Variants in ITGBL1 observed in about 807,000 individuals in gnomAD.
The protein encoded by ITGBL1 is integrin subunit beta like 1.
A neutral mutation model predicts 68.5 loss-of-function variants in ITGBL1; 51 were observed. The observed-to-expected ratio is 0.74, with a 90% CI of 0.59 to 0.94. The LOEUF is 0.94. Among genes scored for constraint, ITGBL1 ranks in the 40% least tolerant of loss-of-function variants. The pLI is 0.00. For missense variants in ITGBL1, 649 were observed against 647.4 expected, an observed-to-expected ratio of 1.00 and a Z score of -0.03; for synonymous variants, 209 against 227.3, an observed-to-expected ratio of 0.92 and a Z score of 0.72.
chr13:101,686,014 C>T (rs941797684), intron 7 of ITGBL1, among the ~76,000 whole-genome samples: 30 of 152,122 alleles, frequency 2.0e-4, no homozygotes, highest in African/African-American at 5.3e-4. Context: ...GTACTTGTCA[C>T]ATAGCAGTAT....
chr13:101,487,306 G>C (rs891350276), intron 2 of ITGBL1, among the ~76,000 whole-genome samples: 1 of 152,096 alleles, frequency 6.6e-6, no homozygotes, highest in Non-Finnish European at 1.5e-5. Context: ...GTTGATAACA[G>C]CCTGTCCTTA....
At chr13:101,605,219 TATAGAC>T (rs1395754179) in intron 7 of ITGBL1, among the ~76,000 whole-genome samples, 4 of 144,390 alleles carry the variant, frequency 2.8e-5, no homozygotes, top group African/African-American at 1.1e-4. Context: ...TATATACACA[TATAGAC>T]ATAGGCATGT....
chr13:101,550,501 A>G (rs2139210654), intron 2 of ITGBL1, among the ~76,000 whole-genome samples: 1 of 152,244 alleles, frequency 6.6e-6, no homozygotes, highest in East Asian at 1.9e-4. Flanking sequence ...CCAGTTACTG[A>G]TCTTGCCATT....
At chr13:101,654,064 AC>A (rs556988384) in intron 7 of ITGBL1, among the ~76,000 whole-genome samples, 150 of 152,036 alleles carry the variant, frequency 9.9e-4, no homozygotes, top group African/African-American at 3.0e-3. Flanking sequence ...AAGACAGTGA[AC>A]AAAATTTGGG....
At chr13:101,656,967 T>TA (rs397760349) in intron 7 of ITGBL1, among the ~76,000 whole-genome samples, 2 of 151,356 alleles carry the variant, frequency 1.3e-5, no homozygotes, top group East Asian at 3.9e-4. Flanking sequence ...TTTTTTTTTT[T>TA]AATTATACTT....
chr13:101,644,720 T>C (rs981243251), intron 7 of ITGBL1, among the ~76,000 whole-genome samples: 1 of 152,188 alleles, frequency 6.6e-6, no homozygotes, highest in Admixed American at 6.5e-5. Flanking sequence ...TCTGAATTTG[T>C]CTAAGAAAAA....
intron 2 of ITGBL1, among the ~76,000 whole-genome samples, chr13:101,475,971 A>G (rs7998783): frequency 0.52 from 79,262 of 151,994 alleles, 21,768 homozygotes; most frequent in Non-Finnish European, 0.6. Context: ...ATCTAAAAGA[A>G]AAGGATGTTA....
intron 2 of ITGBL1, among the ~76,000 whole-genome samples, chr13:101,508,052 A>G (rs1202274689): frequency 6.6e-6 from 1 of 152,062 alleles, no homozygotes; most frequent in Non-Finnish European, 1.5e-5. Context: ...GAGACGAGAG[A>G]CTTTATCTGC....
chr13:101,496,110 T>C (rs1215753078), intron 2 of ITGBL1, among the ~76,000 whole-genome samples: 1 of 152,196 alleles, frequency 6.6e-6, no homozygotes, highest in African/African-American at 2.4e-5. Context: ...AGTTGCTATT[T>C]CTTACAGAAT....
At chr13:101,455,141 T>C (rs2048225198) in intron 2 of ITGBL1, among the ~76,000 whole-genome samples, 1 of 152,172 alleles carries the variant, frequency 6.6e-6, no homozygotes, top group Admixed American at 6.5e-5. Flanking sequence ...CAGCCACTTA[T>C]TTTACCCTCA....
Position 101,454,046 on chromosome 13 carries a change from C to G in ITGBL1, c.262C>G (p.Leu88Val). 1 of 1,593,782 alleles carries G rather than the reference C, an allele frequency of 6.3e-7. No homozygotes were observed. The highest frequency in any genetic ancestry group is 1.3e-5 in the African/African-American group (1 of 74,504). The change falls in exon 2 of 11, where the codon CTG (leucine) becomes GTG (valine). Residue 88 changes from leucine (L) to valine (V), a missense_variant. Physicochemically the swap from Leu to Val is conservative, Grantham distance 32. Transcript: ENST00000376180. ...TGAGCCGGGCATGTTCTTCGGGCCC[C>G]TGTGTGAGTGCCATGAGTGGGTGTG... ...VTEPGMFFGP[L>V]CECHEWVCET...
chr13:101,567,898 T>G, intron 3 of ITGBL1, 53 bp downstream of exon 3: 1 of 1,465,652 alleles, frequency 6.8e-7, no homozygotes. Context: ...AATTTTGTTT[T>G]TAATGGAAAT....
intron 2 of ITGBL1, among the ~76,000 whole-genome samples, chr13:101,532,609 A>G (rs2049503530): frequency 6.6e-6 from 1 of 152,222 alleles, no homozygotes; most frequent in South Asian, 2.1e-4. Context: ...AAGGAAAGTA[A>G]CTGAACAAAA....
At chr13:101,583,924 T>C (rs969714162) in intron 6 of ITGBL1, among the ~76,000 whole-genome samples, 1 of 152,206 alleles carries the variant, frequency 6.6e-6, no homozygotes, top group African/African-American at 2.4e-5. Flanking sequence ...TCTAGATAGC[T>C]ACTCAGTTCA....
chr13:101,548,591 C>T (rs1456124697), intron 2 of ITGBL1, among the ~76,000 whole-genome samples: 2 of 151,672 alleles, frequency 1.3e-5, no homozygotes, highest in Non-Finnish European at 3.0e-5. Flanking sequence ...AACATATATC[C>T]ATGTCTGTTA....
intron 7 of ITGBL1, among the ~76,000 whole-genome samples, chr13:101,668,681 ATATAAATGG>A (rs1192146889): frequency 6.6e-6 from 1 of 152,214 alleles, no homozygotes; most frequent in African/African-American, 2.4e-5. Flanking sequence ...AAATAGGTGA[ATATAAATGG>A]TATAAATGTG....
intron 2 of ITGBL1, among the ~76,000 whole-genome samples, chr13:101,504,757 C>A (rs2049000848): frequency 6.6e-6 from 1 of 152,222 alleles, no homozygotes; most frequent in South Asian, 2.1e-4. Context: ...TGATAGCTGG[C>A]TGGCTGACTC....
At chr13:101,477,517 AT>A (rs1412956854) in intron 2 of ITGBL1, among the ~76,000 whole-genome samples, 1 of 152,086 alleles carries the variant, frequency 6.6e-6, no homozygotes, top group East Asian at 1.9e-4. Context: ...AATTAAAAAA[AT>A]AACAAAAGAT....
chr13:101,453,078 T>C (rs2048186771), intron 1 of ITGBL1, 147 bp downstream of exon 1: 1 of 641,010 alleles, frequency 1.6e-6, no homozygotes, highest in Admixed American at 2.7e-5. Context: ...TTCCTCTCCT[T>C]ATATCTACAG....
Sources: gnomAD v4.1 joint callset for allele counts (sites outside exome capture counted in the v4.1 genomes callset) on GRCh38, gnomAD v4.1.1 for gene constraint, MANE v1.5 for transcripts, NCBI Gene and HGNC (gene_info 2026-07-23, HGNC 2026-07-21) for gene names.